CCDC73: variants seen among roughly 807,000 people sequenced by gnomAD.
CCDC73 encodes coiled-coil domain-containing protein 73.
CCDC73 carries 95 observed loss-of-function variants against 116.5 expected under a neutral mutation model. That is an observed-to-expected ratio of 0.82 (90% CI 0.69 to 0.97). The LOEUF is 0.97. Among genes scored for constraint, CCDC73 ranks in the 50% least tolerant of loss-of-function variants. The pLI is 0.00. For synonymous variants in CCDC73, 398 were observed against 401.3 expected (o/e 0.99, Z 0.10); for missense variants, 1,066 against 1,206.8 (o/e 0.88, Z 1.73).
At chr11:32,773,852 G>A (rs1054396677) in intron 1 of CCDC73, among the ~76,000 whole-genome samples, 5 of 151,972 alleles carry the variant, frequency 3.3e-5, no homozygotes, top group African/African-American at 1.2e-4. Flanking sequence ...GGGTGATCAG[G>A]TAACAAAACA....
chr11:32,795,014 AG>A (rs1850712217), upstream of CCDC73, among the ~76,000 whole-genome samples: 1 of 152,048 alleles, frequency 6.6e-6, no homozygotes, highest in Admixed American at 6.5e-5. Flanking sequence ...TTAAAAAAAA[AG>A]TCTTTGGAAA....
the CCDC73 span, among the ~76,000 whole-genome samples, chr11:32,823,543 G>T: frequency 6.6e-6 from 1 of 151,734 alleles, no homozygotes; most frequent in South Asian, 2.1e-4. Context: ...GGCAGTGGCA[G>T]AGCTAAAACA....
intron 2 of CCDC73, among the ~76,000 whole-genome samples, chr11:32,752,041 T>C (rs1405689508): frequency 6.6e-6 from 1 of 152,232 alleles, no homozygotes; most frequent in Non-Finnish European, 1.5e-5. Flanking sequence ...CTCCAGTGTC[T>C]TTCCCCATGT....
chr11:32,664,318 T>C (rs1590578522), intron 9 of CCDC73, among the ~76,000 whole-genome samples: 1 of 152,316 alleles, frequency 6.6e-6, no homozygotes, highest in East Asian at 1.9e-4. Flanking sequence ...CCTGGACTTT[T>C]TTTGGTTGGT....
intron 2 of CCDC73, among the ~76,000 whole-genome samples, chr11:32,730,987 C>G (rs533636004): frequency 6.6e-6 from 1 of 152,296 alleles, no homozygotes; most frequent in South Asian, 2.1e-4. Context: ...TCATCTCACC[C>G]GGGAAGCACA....
intron 13 of CCDC73, among the ~76,000 whole-genome samples, chr11:32,638,233 C>T (rs923820777): frequency 6.6e-6 from 1 of 152,180 alleles, no homozygotes; most frequent in African/African-American, 2.4e-5. Flanking sequence ...TCCATACAGC[C>T]ATCCTCCATA....
the CCDC73 span, among the ~76,000 whole-genome samples, chr11:32,821,835 G>C: frequency 6.6e-6 from 1 of 152,176 alleles, no homozygotes; most frequent in Non-Finnish European, 1.5e-5. Context: ...TTCTGCACCT[G>C]TTTGTCAATG....
chr11:32,668,163 T>C (rs2133279879), intron 9 of CCDC73, among the ~76,000 whole-genome samples: 1 of 152,386 alleles, frequency 6.6e-6, no homozygotes, highest in East Asian at 1.9e-4. Context: ...CAAGGGATTC[T>C]GTAATTGCTA....
At chr11:32,820,225 C>T in the CCDC73 span, among the ~76,000 whole-genome samples, 2 of 152,092 alleles carry the variant, frequency 1.3e-5, no homozygotes, top group Non-Finnish European at 2.9e-5. Context: ...TGTGCAATCA[C>T]TCACTGCAGC....
At chr11:32,656,498 A>C (rs766692856) in intron 9 of CCDC73, among the ~76,000 whole-genome samples, 4 of 152,208 alleles carry the variant, frequency 2.6e-5, no homozygotes, top group Non-Finnish European at 4.4e-5. Flanking sequence ...ATATTGGATT[A>C]GTTATCACAA....
chr11:32,818,305 A>G, the CCDC73 span, among the ~76,000 whole-genome samples: 1 of 152,236 alleles, frequency 6.6e-6, no homozygotes, highest in Non-Finnish European at 1.5e-5. Flanking sequence ...TGTTAGCTCA[A>G]ATCCTGGCTC....
chr11:32,747,741 G>A (rs1022515618), intron 2 of CCDC73, among the ~76,000 whole-genome samples: 1 of 152,200 alleles, frequency 6.6e-6, no homozygotes, highest in Admixed American at 6.5e-5. Flanking sequence ...CTCCATGGGC[G>A]TTGGACCTGC....
intron 13 of CCDC73, among the ~76,000 whole-genome samples, chr11:32,641,025 A>AAAAAG (rs71063751): frequency 6.7e-6 from 1 of 148,868 alleles, no homozygotes; most frequent in Admixed American, 6.7e-5. Flanking sequence ...CCCACCAAAA[A>AAAAAG]AAAAGAAAAG....
At chr11:32,737,943 A>G (rs1390860490) in intron 2 of CCDC73, among the ~76,000 whole-genome samples, 1 of 152,132 alleles carries the variant, frequency 6.6e-6, no homozygotes, top group Non-Finnish European at 1.5e-5. Context: ...GAGGACATGC[A>G]AAGTTTATCT....
intron 3 of CCDC73, among the ~76,000 whole-genome samples, chr11:32,714,286 T>C (rs1355302526): frequency 2.0e-5 from 3 of 152,114 alleles, no homozygotes; most frequent in Non-Finnish European, 2.9e-5. Flanking sequence ...CTATATTCAT[T>C]GGCTTTTACC....
intron 2 of CCDC73, among the ~76,000 whole-genome samples, chr11:32,724,057 G>A (rs1461417416): frequency 6.6e-6 from 1 of 151,852 alleles, no homozygotes; most frequent in Non-Finnish European, 1.5e-5. Context: ...AGTTTTCCAT[G>A]GGGTATAAAG....
intron 9 of CCDC73, among the ~76,000 whole-genome samples, chr11:32,661,862 G>A (rs1169793754): frequency 6.6e-6 from 1 of 151,578 alleles, no homozygotes; most frequent in Non-Finnish European, 1.5e-5. Context: ...AGTCCCCGGA[G>A]TGTGATGTTC....
chr11:32,656,365 C>T (rs1194156278), intron 9 of CCDC73, among the ~76,000 whole-genome samples: 1 of 152,140 alleles, frequency 6.6e-6, no homozygotes, highest in African/African-American at 2.4e-5. Flanking sequence ...AGGCGTGAGC[C>T]ACCGCGCCCG....
In CCDC73 at chr11:32,762,876, T is replaced by C. The variant is rs375190528; in HGVS notation, c.-15-2618A>G. On this transcript the variant is annotated intron_variant, in intron 1 of 17. Coordinates refer to ENST00000335185, the MANE Select transcript of CCDC73 (RefSeq NM_001008391.4). The stretch of plus-strand genomic sequence containing the variant: ...AAGGGAAGCCATGACACACAGCACC[T>C]GGAAAATCGAGTCACTCCCACCCTA... 7.2e-5 allele frequency among the ~76,000 whole-genome samples: 11 copies of C among 152,108 alleles called. No individual in the cohort carries two copies. In the East Asian group the frequency reaches 1.4e-3, roughly 19 times the overall value.
Sources: gnomAD v4.1 joint callset for allele counts (sites outside exome capture counted in the v4.1 genomes callset) on GRCh38, gnomAD v4.1.1 for gene constraint, MANE v1.5 for transcripts, NCBI Gene and HGNC (gene_info 2026-07-23, HGNC 2026-07-21) for gene names.